The following TMEM245 variants were observed in gnomAD, a reference collection of about 807,000 sequenced individuals.
TMEM245 encodes the protein transmembrane protein 245, also known as protein CG-2.
TMEM245 carries 69 observed loss-of-function variants against 101.2 expected under a neutral mutation model. The observed-to-expected ratio is 0.68, with a 90% CI of 0.56 to 0.83. TMEM245 has a LOEUF of 0.83. TMEM245 is among the 40% of genes least tolerant of loss of function. The probability of loss-of-function intolerance (pLI) is 0.00; values close to 1 mark genes in which losing one functional copy is unlikely to be tolerated. For missense variants in TMEM245, 1,075 were observed against 1,092.8 expected, an observed-to-expected ratio of 0.98 and a Z score of 0.23; for synonymous variants, 537 against 449.8, an observed-to-expected ratio of 1.19 and a Z score of -2.45.
At chr9:109,044,993 C>T (rs645728) in intron 14 of TMEM245, among the ~76,000 whole-genome samples, 135,491 of 152,086 alleles carry the variant, frequency 0.89, 60,977 homozygotes, top group East Asian at 1. Context: ...CTCCTGACCT[C>T]AGGTGATCTG....
intron 7 of TMEM245, among the ~76,000 whole-genome samples, chr9:109,083,901 C>CAGAAAAAA (rs1829745829): frequency 2.9e-5 from 1 of 34,468 alleles, no homozygotes; most frequent in Non-Finnish European, 5.0e-5. Flanking sequence ...ACTAAAAATA[C>CAGAAAAAA]AAAAAAAAAA....
intron 8 of TMEM245, among the ~76,000 whole-genome samples, chr9:109,078,930 C>T (rs750711089): frequency 4.5e-4 from 68 of 152,284 alleles, no homozygotes; most frequent in Non-Finnish European, 6.3e-4. Context: ...AGGCTCTGCT[C>T]ATCTCCAATT....
chr9:109,019,552 T>C lies in TMEM245; in HGVS notation c.*908A>G, dbSNP rs1827557249. 1 of 152,274 alleles carries C rather than the reference T, an allele frequency of 6.6e-6. No homozygotes were observed. Among genetic ancestry groups the C allele is most frequent in the African/African-American group, 2.4e-5 (1 of 41,474 alleles). 9.4% of individuals were successfully genotyped at this position (152,274 alleles called of 1,614,324 possible). On this transcript the variant is annotated 3_prime_UTR_variant, in exon 18 of 18. Transcript: ENST00000374586. ...TAGAGTCATGTGCAAGGCACTGTGCTAAGAGATGGGAAAATACTACATAAA... is the reference window on the plus strand; with the variant it reads ...TAGAGTCATGTGCAAGGCACTGTGCCAAGAGATGGGAAAATACTACATAAA...
rs1163518145 is a variant in TMEM245, at chr9:109,091,026, T to C, written c.1046A>G (p.Lys349Arg). Residue 349 changes from lysine (K) to arginine (R), a missense_variant, in exon 5 of 18, where the codon AAG becomes AGG. Transcript: ENST00000374586. ...CACAAAGTAGATGTCACTAGTTTTC[T>C]TCTTTCTAAGAAACGTTCCTATTTC... ...RPEIGTFLRK[K>R]KTSDIYFVSL... 7 of 1,614,064 alleles carry C rather than the reference T, an allele frequency of 4.3e-6. No homozygotes were observed. The East Asian group carries it at 1.6e-4, about 36-fold the overall frequency.
At chr9:109,081,185 T>C (rs916056609) in intron 7 of TMEM245, among the ~76,000 whole-genome samples, 1 of 152,180 alleles carries the variant, frequency 6.6e-6, no homozygotes, top group Non-Finnish European at 1.5e-5. Flanking sequence ...ACATAATCCA[T>C]ATCTATGTTC....
In TMEM245 at chr9:109,031,486, C is replaced by T. The variant is rs146532046; in HGVS notation, c.2594+1821G>A. Among the ~76,000 whole-genome samples, 134 of 152,270 alleles carry T rather than the reference C, an allele frequency of 8.8e-4. No homozygotes were observed. In the East Asian group the frequency reaches 0.021, roughly 24 times the overall value. ...AATATGAATGAATCACACAGATACA[C>T]TGTTGAGCAATGAGGACTGACTCAA... On this transcript the variant is annotated intron_variant, in intron 17 of 17. Coordinates refer to ENST00000374586, the MANE Select transcript of TMEM245 (RefSeq NM_032012.4).
At chr9:109,024,514 T>C (rs1827737815) in intron 17 of TMEM245, among the ~76,000 whole-genome samples, 1 of 152,160 alleles carries the variant, frequency 6.6e-6, no homozygotes, top group African/African-American at 2.4e-5. Context: ...GAAAAAACAA[T>C]GAATTAAACA....
chr9:109,064,616 T>C (rs1381109459), intron 9 of TMEM245, 49 bp from the exon 10 acceptor site: 4 of 1,517,492 alleles, frequency 2.6e-6, no homozygotes, highest in South Asian at 2.3e-5. Context: ...TTCTGTGTAG[T>C]GTACCAATAA....
intron 2 of TMEM245, 98 bp downstream of exon 2, chr9:109,108,355 A>G (rs996176811): frequency 5.5e-6 from 3 of 546,968 alleles, no homozygotes; most frequent in Non-Finnish European, 9.4e-6. Context: ...TAAATGCAAC[A>G]TATGACACTA....
At chr9:109,080,134 A>T (rs1829625926) in intron 8 of TMEM245, among the ~76,000 whole-genome samples, 1 of 152,122 alleles carries the variant, frequency 6.6e-6, no homozygotes, top group Non-Finnish European at 1.5e-5. Flanking sequence ...GGAATAAAAA[A>T]AATTTTGTAT....
intron 3 of TMEM245, among the ~76,000 whole-genome samples, chr9:109,102,773 T>C (rs1025279725): frequency 3.3e-5 from 5 of 152,266 alleles, no homozygotes; most frequent in Non-Finnish European, 5.9e-5. Context: ...AGAAATTAAT[T>C]CTTTTTAAAA....
chr9:109,020,385 G>A lies in TMEM245; in HGVS notation c.*75C>T, dbSNP rs1467650696. ...TTGCTTGCTAGGCACAGCTGGAAGG[G>A]CAGAGGGCCACAGCTGAGCTGAACT... On this transcript the variant is annotated 3_prime_UTR_variant, in exon 18 of 18. Transcript: ENST00000374586. The A allele has an allele frequency of 2.1e-6, 3 of 1,439,370 alleles. No individual in the cohort carries two copies. The highest frequency in any genetic ancestry group is 1.1e-5 in the South Asian group (1 of 87,530). 89.2% of individuals were successfully genotyped at this position (1,439,370 alleles called of 1,614,324 possible). A position where few individuals can be genotyped will look rare whatever the true frequency, so the allele number is the denominator to read the frequency against.
At chr9:109,117,898 A>C (rs747798576) in intron 1 of TMEM245, among the ~76,000 whole-genome samples, 3 of 152,232 alleles carry the variant, frequency 2.0e-5, no homozygotes, top group Admixed American at 6.5e-5. Flanking sequence ...TCTAGCTAAG[A>C]AGCATTCGAT....
chr9:109,060,123 C>G (rs115488897), intron 11 of TMEM245, among the ~76,000 whole-genome samples: 3 of 152,108 alleles, frequency 2.0e-5, no homozygotes, highest in African/African-American at 7.2e-5. Flanking sequence ...ATGAGATGTC[C>G]GTGACAACAG....
At chr9:109,051,295 A>AACACACACAC (rs67093439) in intron 12 of TMEM245, among the ~76,000 whole-genome samples, 2,413 of 135,188 alleles carry the variant, frequency 0.018, 45 homozygotes, top group African/African-American at 0.04. Context: ...TCTGTCTCAA[A>AACACACACAC]ACACACACAC....
At position 109,119,431 on chromosome 9, in the gene TMEM245, G is replaced by C. The variant is rs899472729; in HGVS notation, c.483C>G (p.Gly161=). 1.4e-5 allele frequency: 22 copies of C among 1,521,052 alleles called. No individual in the cohort carries two copies. The East Asian group carries it at 5.7e-4, about 40-fold the overall frequency. 94.2% of individuals were successfully genotyped at this position (1,521,052 alleles called of 1,614,324 possible). The change falls in exon 1 of 18, where the codon GGC becomes GGG. Residue 161 remains glycine, a synonymous_variant. Coordinates refer to ENST00000374586, the MANE Select transcript of TMEM245 (RefSeq NM_032012.4). ...LLGAGGPLLY[G]LYCLGSYLGV... is the part of the protein sequence containing the mutation. ...CCAAGTAGCTGCCGAGGCAGTAGAG[G>C]CCGTACAGGAGCGGGCCGCCGGCGC...
chr9:109,064,489 C>A lies in TMEM245; in HGVS notation c.1611G>T (p.Trp537Cys), dbSNP rs988275561. 1 of 1,613,004 alleles carries A rather than the reference C, an allele frequency of 6.2e-7. No homozygotes were observed. Among genetic ancestry groups the A allele is most frequent in the Non-Finnish European group, 8.5e-7 (1 of 1,179,416 alleles). ...ANNVYQYGRE[W>C]ITHKLHKILG... ...TTTCTTCCCTTACCTTGTGAGTTAT[C>A]CATTCTCGTCCATACTGATACACGT... Residue 537 changes from tryptophan (W) to cysteine (C), a missense_variant, in exon 10 of 18, where the codon TGG becomes TGT. Trp to Cys is a radical substitution (Grantham distance 215). This residue lies in a region of TMEM245 where 808 missense variants were observed against 741.5 expected (regional missense o/e 1.09). Coordinates refer to ENST00000374586, the MANE Select transcript of TMEM245 (RefSeq NM_032012.4).
chr9:109,074,366 T>C (rs1829429474), intron 8 of TMEM245, among the ~76,000 whole-genome samples: 1 of 151,976 alleles, frequency 6.6e-6, no homozygotes, highest in Admixed American at 6.6e-5. Flanking sequence ...AACAAAACAT[T>C]CTGGAGCACA....
In TMEM245 at chr9:109,083,901, C is replaced by CAAAAAAAAAAAAAAA. The variant is rs751739620; in HGVS notation, c.1344+2081_1344+2095dup. On this transcript the variant is annotated intron_variant, in intron 7 of 17. Transcript: ENST00000374586. ...CAAAACCCCATCTCTACTAAAAATA[C>CAAAAAAAAAAAAAAA]AAAAAAAAAAAAAAAAAAAAAAAAA... Among the ~76,000 whole-genome samples, 108 of 34,472 alleles carry CAAAAAAAAAAAAAAA rather than the reference C, an allele frequency of 3.1e-3. 33 individuals carry two copies. Among genetic ancestry groups the CAAAAAAAAAAAAAAA allele is most frequent in the Admixed American group, 7.4e-3 (13 of 1,764 alleles). The allele number at this position is 34,472 out of a possible 152,430, so 22.6% of individuals were successfully genotyped here.
Sources: gnomAD v4.1 joint callset for allele counts (sites outside exome capture counted in the v4.1 genomes callset) on GRCh38, gnomAD v4.1.1 for gene constraint, gnomAD v4.1.1 regional missense constraint, MANE v1.5 for transcripts, NCBI Gene and HGNC (gene_info 2026-07-23, HGNC 2026-07-21) for gene names.